The following SDF2 variants were observed in gnomAD, a reference collection of about 807,000 sequenced individuals.
SDF2 encodes the protein stromal cell-derived factor 2.
SDF2 carries 12 observed loss-of-function variants against 20.5 expected under a neutral mutation model. The ratio of observed to expected loss-of-function variants is 0.58; its 90% CI spans 0.37 to 0.95. The LOEUF is 0.95. SDF2 is among the 40% of genes least tolerant of loss of function. The probability of loss-of-function intolerance (pLI) is 0.01; values close to 1 mark genes in which losing one functional copy is unlikely to be tolerated. For missense variants in SDF2, 238 were observed against 263.1 expected (o/e 0.90, Z 0.66); for synonymous variants, 100 against 101.0 (o/e 0.99, Z 0.06).
chr17:28,659,841 C>T (rs1452605411), intron 1 of SDF2, among the ~76,000 whole-genome samples: 2 of 151,922 alleles, frequency 1.3e-5, no homozygotes, highest in African/African-American at 4.8e-5. Flanking sequence ...GACGGGGTGG[C>T]GGCCGGGCAG....
chr17:28,656,819 T>C (rs959530480), intron 1 of SDF2, among the ~76,000 whole-genome samples: 1 of 152,234 alleles, frequency 6.6e-6, no homozygotes, highest in East Asian at 1.9e-4. Flanking sequence ...ATATTATTCA[T>C]GTTCATTAAC....
chr17:28,657,542 C>T (rs927730057), intron 1 of SDF2, among the ~76,000 whole-genome samples: 8 of 151,754 alleles, frequency 5.3e-5, no homozygotes, highest in Non-Finnish European at 1.0e-4. Context: ...GGATTTCAGG[C>T]GCCTGCCACC....
intron 1 of SDF2, among the ~76,000 whole-genome samples, chr17:28,660,315 C>A (rs2072013916): frequency 6.6e-6 from 1 of 152,230 alleles, no homozygotes. Flanking sequence ...AGGACAAAAG[C>A]ATTTGTATTT....
At chr17:28,652,263 GA>G (rs2071921117) in intron 2 of SDF2, among the ~76,000 whole-genome samples, 1 of 151,906 alleles carries the variant, frequency 6.6e-6, no homozygotes, top group Non-Finnish European at 1.5e-5. Flanking sequence ...AAAATTTATA[GA>G]TATGTAATAT....
At chr17:28,655,236 G>A (rs1215550857) in intron 2 of SDF2, 51 bp downstream of exon 2, 1 of 1,534,142 alleles carries the variant, frequency 6.5e-7, no homozygotes. Flanking sequence ...GATCAAACAA[G>A]CACCCACTGA....
intron 2 of SDF2, among the ~76,000 whole-genome samples, 174 bp downstream of exon 2, chr17:28,655,113 A>T (rs2151582617): frequency 6.6e-6 from 1 of 152,366 alleles, no homozygotes; most frequent in Non-Finnish European, 1.5e-5. Flanking sequence ...TGGGTGACAG[A>T]GTGAGACTGC....
At chr17:28,654,267 T>TG (rs907333323) in intron 2 of SDF2, among the ~76,000 whole-genome samples, 6 of 151,842 alleles carry the variant, frequency 4.0e-5, no homozygotes, top group Non-Finnish European at 5.9e-5. Flanking sequence ...CACTACAACC[T>TG]GGGTGACAGA....
At chr17:28,656,956 C>T (rs1031401081) in intron 1 of SDF2, among the ~76,000 whole-genome samples, 9 of 152,030 alleles carry the variant, frequency 5.9e-5, no homozygotes, top group African/African-American at 1.9e-4. Context: ...AAGCAAGGCA[C>T]GGTGGCTCAC....
intron 2 of SDF2, among the ~76,000 whole-genome samples, chr17:28,654,878 C>T (rs1567676832): frequency 1.3e-5 from 2 of 152,134 alleles, no homozygotes; most frequent in Non-Finnish European, 2.9e-5. Flanking sequence ...ACCGCTTGAA[C>T]GCAGGAGGCA....
At position 28,652,397 on chromosome 17, in the gene SDF2, G is replaced by A. The variant is rs1167714427; in HGVS notation, c.348+2890C>T. 4.6e-5 allele frequency among the ~76,000 whole-genome samples: 7 copies of A among 151,880 alleles called. No homozygotes were observed. In the South Asian group the frequency reaches 6.2e-4, roughly 14 times the overall value. On this transcript the variant is annotated intron_variant, in intron 2 of 2. Coordinates refer to ENST00000247020, the MANE Select transcript of SDF2 (RefSeq NM_006923.4). ...GCAATCTCGGCTCACTGCAACCTCC[G>A]CCTCCCAGGTTCAAACGATTCTCCT...
chr17:28,655,451 A>T lies in SDF2; in HGVS notation c.184T>A (p.Ser62Thr), dbSNP rs774661692. 6.2e-7 allele frequency: 1 copy of T among 1,610,244 alleles called. No individual in the cohort carries two copies. Among genetic ancestry groups the T allele is most frequent in the Non-Finnish European group, 8.5e-7 (1 of 1,178,036 alleles). Residue 62 changes from serine to threonine, a missense_variant, in exon 2 of 3, where the codon TCT (serine) becomes ACT (threonine). Ser to Thr is a moderately conservative substitution (Grantham distance 58). Coordinates refer to ENST00000247020, the MANE Select transcript of SDF2 (RefSeq NM_006923.4). The stretch of plus-strand genomic sequence containing the variant: ...CAGTAACTGTTGCTGTCATCCACAG[A>T]GGTTACACCTGTCACTGACTGCTGC... ...SGQQSVTGVTSVDDSNSYWRI... is the reference protein window; with the variant it reads ...SGQQSVTGVTTVDDSNSYWRI...
At chr17:28,662,086 T>G, upstream of SDF2, 1 of 483,484 alleles carries the variant, frequency 2.1e-6, no homozygotes, top group Non-Finnish European at 3.6e-6. Context: ...GACAGCTGCC[T>G]TCCTGAGCCG....
At chr17:28,659,349 C>T (rs1372854789) in intron 1 of SDF2, among the ~76,000 whole-genome samples, 2 of 140,354 alleles carry the variant, frequency 1.4e-5, no homozygotes, top group Admixed American at 1.4e-4. Context: ...GCGCTCCCCA[C>T]TTCCCAGACG....
chr17:28,648,865 G>T lies in SDF2; in HGVS notation c.*124C>A, dbSNP rs2071887339. 5 of 956,614 alleles carry T rather than the reference G, an allele frequency of 5.2e-6. No individual in the cohort carries two copies. In the Admixed American group the frequency reaches 6.4e-5, roughly 12 times the overall value. The allele number at this position is 956,614 out of a possible 1,614,324, so 59.3% of individuals were successfully genotyped here. A position where few individuals can be genotyped will look rare whatever the true frequency, so the allele number is the denominator to read the frequency against. ...CCAAACACAGCCACTATTTTCTGTT[G>T]TATATCTTCATCTCAATGGTGACAT... On this transcript the variant is annotated 3_prime_UTR_variant, in exon 3 of 3. Transcript: ENST00000247020.
At chr17:28,661,190 A>G (rs1261719413) in intron 1 of SDF2, 1 of 454,968 alleles carries the variant, frequency 2.2e-6, no homozygotes. Flanking sequence ...CAAAGATGGA[A>G]ACTGAGGAGC....
chr17:28,661,019 C>T (rs2072029406), intron 1 of SDF2: 3 of 353,764 alleles, frequency 8.5e-6, no homozygotes, highest in Non-Finnish European at 1.6e-5. Context: ...AGTAGGAACT[C>T]ATTAAGACCT....
At chr17:28,653,451 A>G (rs926129227) in intron 2 of SDF2, among the ~76,000 whole-genome samples, 4 of 152,258 alleles carry the variant, frequency 2.6e-5, no homozygotes, top group African/African-American at 9.6e-5. Context: ...GTCACAGCCA[A>G]GAACAGCCTA....
chr17:28,653,767 G>A (rs1230468738), intron 2 of SDF2, among the ~76,000 whole-genome samples: 3 of 152,010 alleles, frequency 2.0e-5, no homozygotes, highest in South Asian at 2.1e-4. Context: ...AGCTGAGATC[G>A]CGCCATAGCA....
intron 2 of SDF2, among the ~76,000 whole-genome samples, chr17:28,652,343 C>T (rs1475125465): frequency 4.6e-5 from 7 of 151,910 alleles, no homozygotes; most frequent in Admixed American, 4.6e-4. Context: ...CAGAGTCTCG[C>T]CCTGTCACCC....
Sources: gnomAD v4.1 joint callset for allele counts (sites outside exome capture counted in the v4.1 genomes callset) on GRCh38, gnomAD v4.1.1 for gene constraint, MANE v1.5 for transcripts, NCBI Gene and HGNC (gene_info 2026-07-23, HGNC 2026-07-21) for gene names.